The following NDUFA9 variants were observed in gnomAD, a reference collection of about 807,000 sequenced individuals.
The protein encoded by NDUFA9 is NADH dehydrogenase [ubiquinone] 1 alpha subcomplex subunit 9, mitochondrial.
In NDUFA9, 23 loss-of-function variants were observed where a neutral mutation model predicts 45.9. The observed-to-expected ratio is 0.50, with a 90% confidence interval of 0.36 to 0.71. The LOEUF is 0.71. Ranked by LOEUF, NDUFA9 falls within the 30% of genes least tolerant of loss-of-function variation. NDUFA9 has a pLI of 0.00. For synonymous variants in NDUFA9, 176 were observed against 170.5 expected (o/e 1.03, Z -0.25); for missense variants, 466 against 488.2 (o/e 0.95, Z 0.43).
chr12:4,669,283 C>G (rs1232692870), intron 7 of NDUFA9, among the ~76,000 whole-genome samples: 1 of 152,200 alleles, frequency 6.6e-6, no homozygotes, highest in Non-Finnish European at 1.5e-5. Flanking sequence ...ATTACTATTA[C>G]TGTTTTTGAA....
At chr12:4,650,186 C>A (rs932272982) in intron 1 of NDUFA9, among the ~76,000 whole-genome samples, 2 of 152,008 alleles carry the variant, frequency 1.3e-5, no homozygotes, top group Non-Finnish European at 2.9e-5. Context: ...TTAAAAGCAC[C>A]ACAGATAGGC....
At position 4,688,760 on chromosome 12, in the gene NDUFA9, T is replaced by G. The variant is rs1207308625; in HGVS notation, c.*1652T>G. ...TAGTTTATTCTCCTGTACACTAGTA[T>G]GTCAGAATCAGCGTACTAGGGAAAG... On this transcript the variant is annotated 3_prime_UTR_variant, in exon 11 of 11. Transcript: ENST00000266544. The G allele has an allele frequency of 6.6e-6, 1 of 152,040 alleles. No individual in the cohort carries two copies. Among genetic ancestry groups the G allele is most frequent in the Non-Finnish European group, 1.5e-5 (1 of 67,978 alleles). The allele number at this position is 152,040 out of a possible 1,614,324, so 9.4% of individuals were successfully genotyped here.
chr12:4,659,815 A>C (rs1487102694), intron 5 of NDUFA9, among the ~76,000 whole-genome samples: 2 of 152,198 alleles, frequency 1.3e-5, no homozygotes, highest in African/African-American at 4.8e-5. Flanking sequence ...GTTTGGAGTC[A>C]TACTGATAAG....
At chr12:4,668,635 A>G in intron 7 of NDUFA9, 111 bp downstream of exon 7, 1 of 992,230 alleles carries the variant, frequency 1.0e-6, no homozygotes, top group Non-Finnish European at 1.6e-6. Flanking sequence ...TTCTTTGTCA[A>G]CTTGTGTCAG....
At chr12:4,649,268 A>C in intron 1 of NDUFA9, 93 bp downstream of exon 1, 1 of 1,416,588 alleles carries the variant, frequency 7.1e-7, no homozygotes, top group Non-Finnish European at 9.7e-7. Flanking sequence ...CGGTCACGCC[A>C]ACTTCCTAGG....
At position 4,662,567 on chromosome 12, in the gene NDUFA9, C is replaced by T. The variant is rs778745677; in HGVS notation, c.587C>T (p.Pro196Leu). 8.1e-6 allele frequency: 13 copies of T among 1,613,712 alleles called. No individual in the cohort carries two copies. The highest frequency in any genetic ancestry group is 2.2e-5 in the East Asian group (1 of 44,878). ...GAGAAAGTAGTGAGAGATGCATTTC[C>T]GGAAGCCATTATCGTAAAGCCGTCG... ...VGEKVVRDAF[P>L]EAIIVKPSDI... The change falls in exon 6 of 11, where the codon CCG becomes CTG. Residue 196 changes from proline to leucine, a missense_variant. Transcript: ENST00000266544.
chr12:4,685,024 C>G, intron 9 of NDUFA9: 1 of 627,842 alleles, frequency 1.6e-6, no homozygotes. Flanking sequence ...TCTGTTGTTT[C>G]TTTGGAGGAG....
chr12:4,658,260 G>C (rs1463852661), intron 4 of NDUFA9, among the ~76,000 whole-genome samples: 1 of 152,168 alleles, frequency 6.6e-6, no homozygotes, highest in Non-Finnish European at 1.5e-5. Flanking sequence ...ACAGTTCTTT[G>C]TATGGATTGT....
At chr12:4,666,793 C>G (rs1945855719) in intron 6 of NDUFA9, among the ~76,000 whole-genome samples, 1 of 152,110 alleles carries the variant, frequency 6.6e-6, no homozygotes, top group South Asian at 2.1e-4. Context: ...GTTTTGAAAT[C>G]AGAAAGTGTG....
intron 1 of NDUFA9, among the ~76,000 whole-genome samples, 186 bp downstream of exon 1, chr12:4,649,361 T>C (rs1591540395): frequency 6.6e-6 from 1 of 152,154 alleles, no homozygotes; most frequent in African/African-American, 2.4e-5. Context: ...ACATATTCAA[T>C]TGTGCACCAC....
rs184979463 is a variant in NDUFA9 at position 4,660,046 on chromosome 12, T to A, written c.552+869T>A. On this transcript the variant is annotated intron_variant, in intron 5 of 10. Coordinates refer to ENST00000266544, the MANE Select transcript of NDUFA9 (RefSeq NM_005002.5). ...TTCATGACTGGAAGGGAATGGGAGG[T>A]GTCAATGGTGAGGAAGAGAGAAGAG... Among the ~76,000 whole-genome samples, 65 of 151,788 alleles carry A rather than the reference T, an allele frequency of 4.3e-4. 1 individual carries two copies. The highest frequency in any genetic ancestry group is 1.4e-3 in the African/African-American group (58 of 41,338).
At position 4,694,122 on chromosome 12, in the gene NDUFA9, G is replaced by A. The variant is rs1301651509; in HGVS notation, c.*7014G>A. 6.6e-6 allele frequency: 1 copy of A among 152,210 alleles called. No homozygotes were observed. The highest frequency in any genetic ancestry group is 1.5e-5 in the Non-Finnish European group (1 of 68,050). The allele number at this position is 152,210 out of a possible 1,614,324, so 9.4% of individuals were successfully genotyped here. ...CTATCTTGCAACTCTGTAAGCTGTA[G>A]GTAACTGATAGCAGAGCAAAATAAT... On this transcript the variant is annotated 3_prime_UTR_variant, in exon 11 of 11. Transcript: ENST00000266544.
chr12:4,660,151 G>A (rs565500506), intron 5 of NDUFA9, among the ~76,000 whole-genome samples: 3 of 152,260 alleles, frequency 2.0e-5, no homozygotes, highest in South Asian at 2.1e-4. Context: ...GCTTGGGAGG[G>A]ACTAGGCTGT....
At chr12:4,675,465 T>C (rs539054719) in intron 8 of NDUFA9, among the ~76,000 whole-genome samples, 77 of 151,634 alleles carry the variant, frequency 5.1e-4, no homozygotes, top group Non-Finnish European at 1.0e-3. Context: ...CAATAAAAAA[T>C]GATAAAGGGG....
At chr12:4,665,028 A>G (rs191276075) in intron 6 of NDUFA9, among the ~76,000 whole-genome samples, 100 of 152,234 alleles carry the variant, frequency 6.6e-4, no homozygotes, top group Non-Finnish European at 4.4e-5. Context: ...CCTCAGGATG[A>G]CCCACACCTT....
At position 4,682,282 on chromosome 12, in the gene NDUFA9, T is replaced by G. The variant is rs1490916663; in HGVS notation, c.878T>G (p.Leu293Trp). The change falls in exon 9 of 11, where the codon TTG becomes TGG. Residue 293 changes from leucine to tryptophan, a missense_variant. Coordinates refer to ENST00000266544, the MANE Select transcript of NDUFA9 (RefSeq NM_005002.5). ...CACAGATTGTTCCTCCCATTCCCCT[T>G]GCCGCTTTTTGCCTATCGGTAAGTA... Reference protein sequence around the residue: ...VAHRLFLPFPLPLFAYRWVAR... With the variant: ...VAHRLFLPFPWPLFAYRWVAR... The G allele has an allele frequency of 6.2e-7, 1 of 1,612,172 alleles. No individual in the cohort carries two copies. Among genetic ancestry groups the G allele is most frequent in the Non-Finnish European group, 8.5e-7 (1 of 1,178,498 alleles).
rs538700956 is a variant in NDUFA9 at position 4,669,744 on chromosome 12, G to C, written c.727G>C (p.Val243Leu). 1 of 1,595,190 alleles carries C rather than the reference G, an allele frequency of 6.3e-7. No individual in the cohort carries two copies. Among genetic ancestry groups the C allele is most frequent in the Non-Finnish European group, 8.6e-7 (1 of 1,163,620 alleles). ...CATATATTATAATTTCTTACAGGTC[G>C]TAGATGTATCCAAAGGAATTGTTAA... ...WKTVKQPVYV[V>L]DVSKGIVNAV... Residue 243 changes from valine to leucine, a missense_variant, in exon 8 of 11, where the codon GTA (valine) becomes CTA (leucine). Physicochemically the swap from Val to Leu is conservative, Grantham distance 32. Transcript: ENST00000266544.
Position 4,654,842 on chromosome 12 carries a change from G to T in NDUFA9, c.238G>T (p.Val80Leu). Residue 80 changes from valine to leucine, a missense_variant, in exon 3 of 11, where the codon GTA (valine) becomes TTA (leucine). Physicochemically the swap from Val to Leu is conservative, Grantham distance 32 (BLOSUM62 1). Transcript: ENST00000266544. ...VNHLGRMGSQVIIPYRCDKYD... is the reference protein window; with the variant it reads ...VNHLGRMGSQLIIPYRCDKYD... Reference sequence around the variant, plus strand: ...TCTTTTAGGACGCATGGGGTCACAGGTAATCATACCCTATCGGTGTGATAA... The same window carrying T: ...TCTTTTAGGACGCATGGGGTCACAGTTAATCATACCCTATCGGTGTGATAA... 6.2e-7 allele frequency: 1 copy of T among 1,613,020 alleles called. No homozygotes were observed.
At chr12:4,677,838 C>G (rs375618402) in intron 8 of NDUFA9, among the ~76,000 whole-genome samples, 1 of 152,154 alleles carries the variant, frequency 6.6e-6, no homozygotes, top group Admixed American at 6.6e-5. Context: ...CACATGCACA[C>G]GTATGTTTAT....
Sources: allele counts gnomAD v4.1 joint callset (sites outside exome capture counted in the v4.1 genomes callset), GRCh38; gene constraint gnomAD v4.1.1; transcripts MANE v1.5; gene names NCBI Gene and HGNC (gene_info 2026-07-23, HGNC 2026-07-21).